LRRTM4: variants seen among roughly 807,000 people sequenced by gnomAD.
The protein encoded by LRRTM4 is leucine-rich repeat transmembrane neuronal protein 4.
LRRTM4 carries 25 observed loss-of-function variants against 47.6 expected under a neutral mutation model. The observed-to-expected ratio is 0.53, with a 90% CI of 0.38 to 0.73. The LOEUF (loss-of-function observed/expected upper bound fraction) is 0.73, where lower values mean the gene tolerates loss of function less well. LRRTM4 is among the 30% of genes least tolerant of loss of function. The pLI is 0.00. For synonymous variants in LRRTM4, 311 were observed against 269.5 expected, an observed-to-expected ratio of 1.15 and a Z score of -1.51; for missense variants, 638 against 713.4, an observed-to-expected ratio of 0.89 and a Z score of 1.20.
At chr2:77,109,993 A>T (rs1671206077) in intron 3 of LRRTM4, among the ~76,000 whole-genome samples, 1 of 152,104 alleles carries the variant, frequency 6.6e-6, no homozygotes, top group East Asian at 1.9e-4. Context: ...AGGAAAGAAA[A>T]TACAAATCTT....
intron 3 of LRRTM4, among the ~76,000 whole-genome samples, chr2:77,264,591 T>A (rs917071648): frequency 6.6e-6 from 1 of 152,098 alleles, no homozygotes; most frequent in Non-Finnish European, 1.5e-5. Flanking sequence ...ATATGTTAAA[T>A]ACCTCATTCA....
chr2:77,313,637 T>A (rs1463766448), intron 3 of LRRTM4, among the ~76,000 whole-genome samples: 1 of 152,170 alleles, frequency 6.6e-6, no homozygotes, highest in Non-Finnish European at 1.5e-5. Flanking sequence ...TGCTTTGAAG[T>A]CATAGCACAT....
chr2:77,139,533 C>A (rs554252595), intron 3 of LRRTM4, among the ~76,000 whole-genome samples: 25 of 152,180 alleles, frequency 1.6e-4, no homozygotes, highest in Admixed American at 5.9e-4. Flanking sequence ...ACTGAATGGG[C>A]AAAAACTGGA....
At chr2:76,976,343 C>T (rs1398799572) in intron 3 of LRRTM4, among the ~76,000 whole-genome samples, 1 of 151,514 alleles carries the variant, frequency 6.6e-6, no homozygotes, top group Non-Finnish European at 1.5e-5. Flanking sequence ...GAAAGCAAAA[C>T]ATATTGGGCT....
At chr2:76,990,102 C>G (rs767336889) in intron 3 of LRRTM4, among the ~76,000 whole-genome samples, 1 of 151,760 alleles carries the variant, frequency 6.6e-6, no homozygotes, top group Non-Finnish European at 1.5e-5. Flanking sequence ...CTTAATCACT[C>G]TTTACCAGGA....
intron 3 of LRRTM4, among the ~76,000 whole-genome samples, chr2:76,981,150 G>A (rs1676594535): frequency 6.6e-6 from 1 of 152,100 alleles, no homozygotes; most frequent in African/African-American, 2.4e-5. Context: ...AAAAGTGATA[G>A]TGTTCATTCA....
chr2:77,110,685 A>G (rs2103933285), intron 3 of LRRTM4, among the ~76,000 whole-genome samples: 1 of 152,290 alleles, frequency 6.6e-6, no homozygotes, highest in South Asian at 2.1e-4. Flanking sequence ...ATATTGAAGT[A>G]GTATGCAATT....
At chr2:76,948,498 A>G (rs1237882543) in intron 3 of LRRTM4, among the ~76,000 whole-genome samples, 1 of 151,794 alleles carries the variant, frequency 6.6e-6, no homozygotes, top group Non-Finnish European at 1.5e-5. Context: ...TATTTTTTTG[A>G]TATCCATTTC....
At chr2:76,907,067 T>C (rs1245281000) in intron 3 of LRRTM4, among the ~76,000 whole-genome samples, 1 of 151,916 alleles carries the variant, frequency 6.6e-6, no homozygotes, top group African/African-American at 2.4e-5. Flanking sequence ...ACCACACCTA[T>C]TCCAAAATTA....
chr2:77,358,208 C>T (rs766046369), intron 3 of LRRTM4, among the ~76,000 whole-genome samples: 8 of 152,244 alleles, frequency 5.3e-5, no homozygotes, highest in Middle Eastern at 6.8e-3. Flanking sequence ...TTACTTGGCT[C>T]GTGGTTCTGC....
chr2:77,090,367 A>G (rs998105932), intron 3 of LRRTM4, among the ~76,000 whole-genome samples: 5 of 152,046 alleles, frequency 3.3e-5, no homozygotes, highest in Middle Eastern at 3.4e-3. Flanking sequence ...ACAGCCCTAG[A>G]CCCTAAAAGG....
rs1680317798 is a variant in LRRTM4, at chr2:77,075,851, C to T, written c.1552-326935G>A. On this transcript the variant is annotated intron_variant, in intron 3 of 3. Coordinates refer to ENST00000409884, the MANE Select transcript of LRRTM4 (RefSeq NM_001134745.3). ...AATGGCGTGAACCCGGGAGGCAGAGCTTGCAGTGAGCCGAGATCCCGCCAC... is the reference window on the plus strand; with the variant it reads ...AATGGCGTGAACCCGGGAGGCAGAGTTTGCAGTGAGCCGAGATCCCGCCAC... Among the ~76,000 whole-genome samples the T allele has an allele frequency of 4.8e-5, 6 of 123,852 alleles. No homozygotes were observed. In the South Asian group the frequency reaches 1.6e-3, roughly 34 times the overall value. The allele number at this position is 123,852 out of a possible 152,430, so 81.3% of individuals were successfully genotyped here.
chr2:76,920,279 T>C (rs1487919283), intron 3 of LRRTM4, among the ~76,000 whole-genome samples: 3 of 152,284 alleles, frequency 2.0e-5, no homozygotes, highest in Middle Eastern at 3.4e-3. Flanking sequence ...AGTATAAACA[T>C]TGATGTAAAC....
intron 3 of LRRTM4, among the ~76,000 whole-genome samples, chr2:76,838,517 A>G (rs1479546400): frequency 2.0e-5 from 3 of 152,074 alleles, no homozygotes; most frequent in African/African-American, 7.2e-5. Flanking sequence ...TGATTTTGTT[A>G]TCTCAAATGT....
intron 3 of LRRTM4, among the ~76,000 whole-genome samples, chr2:77,463,403 A>G (rs938842407): frequency 5.9e-5 from 9 of 152,070 alleles, no homozygotes; most frequent in African/African-American, 2.2e-4. Flanking sequence ...GCAAATCTCA[A>G]ATATTATATA....
At chr2:76,755,567 C>T (rs1335405794) in intron 3 of LRRTM4, among the ~76,000 whole-genome samples, 1 of 152,068 alleles carries the variant, frequency 6.6e-6, no homozygotes, top group Non-Finnish European at 1.5e-5. Context: ...TCGTTCGATG[C>T]AGCTATAGAA....
At chr2:77,163,944 A>T (rs1354074521) in intron 3 of LRRTM4, among the ~76,000 whole-genome samples, 1 of 152,184 alleles carries the variant, frequency 6.6e-6, no homozygotes, top group East Asian at 1.9e-4. Context: ...GATAGGATCA[A>T]ATTCACACAT....
chr2:77,386,785 C>T (rs139518816), intron 3 of LRRTM4, among the ~76,000 whole-genome samples: 210 of 151,886 alleles, frequency 1.4e-3, no homozygotes, highest in African/African-American at 4.8e-3. Flanking sequence ...CAGGGCCTGT[C>T]GGGGAGTGGG....
intron 3 of LRRTM4, among the ~76,000 whole-genome samples, chr2:76,954,641 C>T (rs770672747): frequency 2.6e-5 from 4 of 151,884 alleles, no homozygotes; most frequent in African/African-American, 7.2e-5. Flanking sequence ...TATTGGCTAA[C>T]GTGGTCTGAA....
Sources: gnomAD v4.1 joint callset for allele counts (sites outside exome capture counted in the v4.1 genomes callset) on GRCh38, gnomAD v4.1.1 for gene constraint, MANE v1.5 for transcripts, NCBI Gene and HGNC (gene_info 2026-07-23, HGNC 2026-07-21) for gene names.